DNAAF5: variants seen among roughly 807,000 people sequenced by gnomAD.
DNAAF5 encodes dynein axonemal assembly factor 5, also known as HEAT repeat containing 2.
A neutral mutation model predicts 75.8 loss-of-function variants in DNAAF5; 64 were observed. That is an observed-to-expected ratio of 0.84 (90% CI 0.69 to 1.04). The LOEUF (loss-of-function observed/expected upper bound fraction) is 1.04, where lower values mean the gene tolerates loss of function less well. Among genes scored for constraint, DNAAF5 ranks in the 50% least tolerant of loss-of-function variants. The pLI is 0.00. For synonymous variants in DNAAF5, 657 were observed against 557.2 expected, an observed-to-expected ratio of 1.18 and a Z score of -2.52; for missense variants, 1,269 against 1,178.5, an observed-to-expected ratio of 1.08 and a Z score of -1.12.
At chr7:747,298 T>C (rs1164848260) in intron 4 of DNAAF5, among the ~76,000 whole-genome samples, 2 of 152,234 alleles carry the variant, frequency 1.3e-5, no homozygotes, top group African/African-American at 4.8e-5. Flanking sequence ...GTTTGCTGTT[T>C]TTAGTGTGTC....
At chr7:767,742 C>CACT (rs1778369684) in intron 8 of DNAAF5, among the ~76,000 whole-genome samples, 4 of 150,972 alleles carry the variant, frequency 2.6e-5, no homozygotes, top group Non-Finnish European at 5.9e-5. Flanking sequence ...GCGGAGCTGG[C>CACT]GCTGGGAGGG....
intron 1 of DNAAF5, among the ~76,000 whole-genome samples, chr7:728,590 ATTCCT>A (rs1284143344): frequency 6.6e-6 from 1 of 152,144 alleles, no homozygotes; most frequent in Non-Finnish European, 1.5e-5. Context: ...GCCATTGAGA[ATTCCT>A]GGCATTTAAT....
chr7:751,180 C>T (rs775101527), intron 4 of DNAAF5, among the ~76,000 whole-genome samples: 1 of 151,438 alleles, frequency 6.6e-6, no homozygotes, highest in Non-Finnish European at 1.5e-5. Context: ...TGTGTTTGCA[C>T]CCTGGCTTTT....
chr7:779,953 A>C lies in DNAAF5; in HGVS notation c.2240A>C (p.Glu747Ala). 6.2e-7 allele frequency: 1 copy of C among 1,613,856 alleles called. No homozygotes were observed. The highest frequency in any genetic ancestry group is 8.5e-7 in the Non-Finnish European group (1 of 1,179,838). ...CACCTGTCTCGCTCCCTCCTTCCAG[A>C]ACTCTTAAAACGCCTAGATGACGTG... ...DPEKLIRIYP[E>A]LLKRLDDVSN... Residue 747 changes from glutamate to alanine, a missense_variant and splice_region_variant, in exon 12 of 13, where the codon GAA (glutamate) becomes GCA (alanine). Glu to Ala is a moderately radical substitution (Grantham distance 107). Transcript: ENST00000297440.
chr7:758,065 G>T (rs1013588887), intron 6 of DNAAF5, among the ~76,000 whole-genome samples: 2 of 152,238 alleles, frequency 1.3e-5, no homozygotes, highest in African/African-American at 4.8e-5. Flanking sequence ...GGAAGGGAGC[G>T]GGGGAGGGGC....
In DNAAF5 at chr7:754,867, C is replaced by G. The variant is rs985806484; in HGVS notation, c.1257+46C>G. 3.2e-5 allele frequency: 44 copies of G among 1,394,440 alleles called. No homozygotes were observed. Among genetic ancestry groups the G allele is most frequent in the Non-Finnish European group, 4.0e-5 (41 of 1,014,956 alleles). 86.4% of individuals were successfully genotyped at this position (1,394,440 alleles called of 1,614,324 possible). A position where few individuals can be genotyped will look rare whatever the true frequency, so the allele number is the denominator to read the frequency against. On this transcript the variant is annotated intron_variant, in intron 5 of 12. Transcript: ENST00000297440. The surrounding 1 kb of genome is among the most constrained non-coding windows in gnomAD (Gnocchi z 4.8). The stretch of plus-strand genomic sequence containing the variant: ...CGTGGTCGCGGAGCTGTAACTCGAG[C>G]TTAAGATCCCGCCTCTGTGGTGTGC...
At position 767,421 on chromosome 7, in the gene DNAAF5, A is replaced by C. The variant is rs549350603; in HGVS notation, c.1784-3050A>C. Among the ~76,000 whole-genome samples, 225 of 152,310 alleles carry C rather than the reference A, an allele frequency of 1.5e-3. 3 individuals carry two copies. The highest frequency in any genetic ancestry group is 5.2e-3 in the South Asian group (25 of 4,828). ...TCATCCAGCAATCACATTCATGAGA[A>C]TCTATCCTTCCAATTCTAATTATGG... On this transcript the variant is annotated intron_variant, in intron 8 of 12. Coordinates refer to ENST00000297440, the MANE Select transcript of DNAAF5 (RefSeq NM_017802.4).
intron 9 of DNAAF5, chr7:771,988 G>A (rs973809262): frequency 1.3e-5 from 2 of 152,304 alleles, no homozygotes; most frequent in South Asian, 4.1e-4. Context: ...TTTATTTTTA[G>A]AATCATGAAA....
In DNAAF5 at chr7:770,472, C is replaced by T. The variant is rs374290121; in HGVS notation, c.1785C>T (p.Gly595=). 1.2e-6 allele frequency: 2 copies of T among 1,612,726 alleles called. No homozygotes were observed. The highest frequency in any genetic ancestry group is 4.5e-5 in the East Asian group (2 of 44,862). Residue 595 remains glycine, a splice_region_variant and synonymous_variant, in exon 9 of 13, where the codon GGC becomes GGT. Transcript: ENST00000297440. The stretch of plus-strand genomic sequence containing the variant: ...AGGAGCCTCTGTTGTGTCTTACAGG[C>T]CCTGCCCTGGGAGAAGCCCTGCCAC... ...LQFSVIVAQS[G]PALGEALPHV...
rs1779127241 is a variant in DNAAF5, at chr7:785,782, A to T, written c.*129A>T. On this transcript the variant is annotated 3_prime_UTR_variant, in exon 13 of 13. Transcript: ENST00000297440. ...TGACAGCAAGAATGTACTCCTCAGG[A>T]CACCTGCCCACTCTTTCCCTGGAAT... The T allele has an allele frequency of 9.8e-7, 1 of 1,022,820 alleles. No homozygotes were observed. Among genetic ancestry groups the T allele is most frequent in the Non-Finnish European group, 1.4e-6 (1 of 716,282 alleles). 63.4% of individuals were successfully genotyped at this position (1,022,820 alleles called of 1,614,324 possible). A position where few individuals can be genotyped will look rare whatever the true frequency, so the allele number is the denominator to read the frequency against.
At position 755,887 on chromosome 7, in the gene DNAAF5, G is replaced by A. The variant is rs538979088; in HGVS notation, c.1258-895G>A. Among the ~76,000 whole-genome samples, 27 of 152,366 alleles carry A rather than the reference G, an allele frequency of 1.8e-4. 1 individual carries two copies. In the South Asian group the frequency reaches 5.4e-3, roughly 30 times the overall value. On this transcript the variant is annotated intron_variant, in intron 5 of 12. Transcript: ENST00000297440. Reference sequence around the variant, plus strand: ...GAACCTACAGGAGAGCAAGAGACACGGGGGTGAGGCTGAGAGGACGAGAGA... The same window carrying A: ...GAACCTACAGGAGAGCAAGAGACACAGGGGTGAGGCTGAGAGGACGAGAGA...
intron 4 of DNAAF5, among the ~76,000 whole-genome samples, chr7:742,700 C>CAATCATGCCCAGCTCAAATCAA (rs1781947598): frequency 5.9e-5 from 5 of 84,848 alleles, no homozygotes; most frequent in African/African-American, 7.8e-5. Context: ...TCAAATCAAT[C>CAATCATGCCCAGCTCAAATCAA]ATGCCCAGCT....
intron 4 of DNAAF5, among the ~76,000 whole-genome samples, chr7:744,978 C>T (rs1405348789): frequency 6.6e-6 from 1 of 152,162 alleles, no homozygotes; most frequent in Non-Finnish European, 1.5e-5. Flanking sequence ...ACACTCTTGT[C>T]TCTGCATCAG....
At chr7:727,591 T>G in intron 1 of DNAAF5, 1 of 185,734 alleles carries the variant, frequency 5.4e-6, no homozygotes. Context: ...CCCATGTACC[T>G]GTTTCCTGCG....
At chr7:750,676 G>A (rs551586564) in intron 4 of DNAAF5, among the ~76,000 whole-genome samples, 1 of 152,238 alleles carries the variant, frequency 6.6e-6, no homozygotes, top group South Asian at 2.1e-4. Context: ...TCCTGCTGTG[G>A]GGCCCAGTTC....
rs1243245094 is a variant in DNAAF5, at chr7:785,696, G to T, written c.*43G>T. The T allele has an allele frequency of 6.3e-7, 1 of 1,599,778 alleles. No homozygotes were observed. Among genetic ancestry groups the T allele is most frequent in the Admixed American group, 1.7e-5 (1 of 59,414 alleles). On this transcript the variant is annotated 3_prime_UTR_variant, in exon 13 of 13. Coordinates refer to ENST00000297440, the MANE Select transcript of DNAAF5 (RefSeq NM_017802.4). ...ACGGCACACCCTTGTCCCCACCTGA[G>T]CCAGAGTTTGTGGCCTTTAAATCTC...
In DNAAF5 at chr7:741,087, C is replaced by T. The variant is rs112693717; in HGVS notation, c.905+144C>T. On this transcript the variant is annotated intron_variant, in intron 3 of 12. Transcript: ENST00000297440. ...CCGAAGGGATGTGCCGTACAGAAGT[C>T]GTCTCGTTTTGTAAATGGCATTTCC... The T allele has an allele frequency of 6.8e-4, 700 of 1,031,136 alleles. 8 individuals carry two copies. In the African/African-American group the frequency reaches 0.01, roughly 15 times the overall value. The allele number at this position is 1,031,136 out of a possible 1,614,324, so 63.9% of individuals were successfully genotyped here. A position where few individuals can be genotyped will look rare whatever the true frequency, so the allele number is the denominator to read the frequency against.
At chr7:732,183 G>A (rs1011628269) in intron 2 of DNAAF5, among the ~76,000 whole-genome samples, 5 of 152,268 alleles carry the variant, frequency 3.3e-5, no homozygotes, top group African/African-American at 1.2e-4. Context: ...GGAGCCTTAG[G>A]CCCCGGGATG....
intron 6 of DNAAF5, among the ~76,000 whole-genome samples, chr7:759,349 G>T (rs954183917): frequency 1.3e-5 from 2 of 152,186 alleles, no homozygotes; most frequent in Admixed American, 1.3e-4. Context: ...GGGCCCAGTA[G>T]GTCCCCTAGA....
Sources: allele counts gnomAD v4.1 joint callset (sites outside exome capture counted in the v4.1 genomes callset), GRCh38; gene constraint gnomAD v4.1.1; non-coding constraint Gnocchi (gnomAD v3.1); transcripts MANE v1.5; gene names NCBI Gene and HGNC (gene_info 2026-07-23, HGNC 2026-07-21).